Variants in RBFOX1 observed in about 807,000 individuals in gnomAD.
The protein encoded by RBFOX1 is RNA binding protein fox-1 homolog 1.
A neutral mutation model predicts 57.7 loss-of-function variants in RBFOX1; 8 were observed. The ratio of observed to expected loss-of-function variants is 0.14; its 90% CI spans 0.08 to 0.25. The LOEUF (loss-of-function observed/expected upper bound fraction) is 0.25. RBFOX1 is among the 10% of genes least tolerant of loss of function. The pLI is 1.00. For synonymous variants in RBFOX1, 326 were observed against 222.4 expected, an observed-to-expected ratio of 1.47 and a Z score of -4.15; for missense variants, 611 against 548.5, an observed-to-expected ratio of 1.11 and a Z score of -1.14.
intron 3 of RBFOX1, among the ~76,000 whole-genome samples, chr16:6,797,705 G>A (rs893964201): frequency 2.0e-5 from 3 of 152,074 alleles, no homozygotes; most frequent in African/African-American, 7.2e-5. Flanking sequence ...CCAACTATAG[G>A]CATTAAAGTT....
chr16:6,663,149 C>A (rs1157332913), intron 3 of RBFOX1, among the ~76,000 whole-genome samples: 3 of 152,062 alleles, frequency 2.0e-5, no homozygotes, highest in Non-Finnish European at 4.4e-5. Context: ...GAACTAGAGC[C>A]ATGTAGGAGA....
At chr16:6,728,471 C>G (rs1439005672) in intron 3 of RBFOX1, among the ~76,000 whole-genome samples, 3 of 152,096 alleles carry the variant, frequency 2.0e-5, no homozygotes, top group Non-Finnish European at 2.9e-5. Context: ...GAAGTAATCC[C>G]TTTTATTACA....
At chr16:5,693,055 G>C (rs1367983593) in intron 3 of RBFOX1, among the ~76,000 whole-genome samples, 1 of 152,180 alleles carries the variant, frequency 6.6e-6, no homozygotes, top group African/African-American at 2.4e-5. Flanking sequence ...ATGGAAGTTT[G>C]TATCTTCCCG....
chr16:5,919,326 T>C (rs937862146), intron 4 of RBFOX1, among the ~76,000 whole-genome samples: 4 of 152,142 alleles, frequency 2.6e-5, no homozygotes, highest in Non-Finnish European at 5.9e-5. Context: ...GCAGAGCTGT[T>C]GTTTTAATTG....
chr16:7,660,343 A>G (rs2067402570), intron 12 of RBFOX1, among the ~76,000 whole-genome samples: 1 of 152,222 alleles, frequency 6.6e-6, no homozygotes, highest in Non-Finnish European at 1.5e-5. Flanking sequence ...CCATCTCTGC[A>G]TTGAAATATG....
chr16:7,219,608 G>C (rs532234501), intron 4 of RBFOX1, among the ~76,000 whole-genome samples: 1 of 152,154 alleles, frequency 6.6e-6, no homozygotes. Flanking sequence ...AAGAACAAGC[G>C]TGGCGGATTT....
chr16:5,735,791 G>A (rs1415162050), intron 3 of RBFOX1, among the ~76,000 whole-genome samples: 1 of 152,072 alleles, frequency 6.6e-6, no homozygotes, highest in African/African-American at 2.4e-5. Context: ...CAGGAGAATC[G>A]CTTGAACTCG....
intron 4 of RBFOX1, among the ~76,000 whole-genome samples, chr16:7,100,263 C>G (rs558040008): frequency 6.6e-6 from 1 of 152,044 alleles, no homozygotes; most frequent in Admixed American, 6.6e-5. Flanking sequence ...GAATAAAATG[C>G]TCATGAAAAT....
intron 3 of RBFOX1, among the ~76,000 whole-genome samples, chr16:6,943,248 C>G (rs998441465): frequency 2.0e-5 from 3 of 152,182 alleles, no homozygotes; most frequent in African/African-American, 7.2e-5. Context: ...AGCCAGCAGT[C>G]AATGACTGAT....
At chr16:6,897,642 A>G (rs927748690) in intron 3 of RBFOX1, among the ~76,000 whole-genome samples, 2 of 151,884 alleles carry the variant, frequency 1.3e-5, no homozygotes, top group Non-Finnish European at 2.9e-5. Flanking sequence ...AACAAAAAAA[A>G]ATTAGCTGGG....
At chr16:5,426,677 G>A (rs1308057694) in intron 1 of RBFOX1, among the ~76,000 whole-genome samples, 1 of 152,196 alleles carries the variant, frequency 6.6e-6, no homozygotes, top group Non-Finnish European at 1.5e-5. Flanking sequence ...CTCTGGAGAG[G>A]GAACAGCTGC....
intron 4 of RBFOX1, among the ~76,000 whole-genome samples, chr16:7,391,258 A>G (rs549980747): frequency 1.1e-4 from 16 of 152,272 alleles, no homozygotes; most frequent in Non-Finnish European, 2.1e-4. Flanking sequence ...TTTTTAGAAT[A>G]GCATTTGCTG....
intron 2 of RBFOX1, among the ~76,000 whole-genome samples, chr16:6,326,652 C>T (rs940395116): frequency 6.6e-6 from 1 of 152,130 alleles, no homozygotes; most frequent in Admixed American, 6.5e-5. Context: ...GCACTCTGTG[C>T]AGAATCATTG....
chr16:6,693,368 A>C (rs563408131), intron 3 of RBFOX1, among the ~76,000 whole-genome samples: 1 of 150,036 alleles, frequency 6.7e-6, no homozygotes, highest in Admixed American at 6.7e-5. Flanking sequence ...ATCATCATCA[A>C]CATCATCCTA....
intron 1 of RBFOX1, among the ~76,000 whole-genome samples, chr16:5,244,039 G>C (rs1480347062): frequency 6.6e-6 from 1 of 152,046 alleles, no homozygotes; most frequent in Non-Finnish European, 1.5e-5. Context: ...TGGGATTACA[G>C]GTCCCCACCA....
At chr16:5,791,194 C>G (rs1395344278) in intron 3 of RBFOX1, among the ~76,000 whole-genome samples, 3 of 152,068 alleles carry the variant, frequency 2.0e-5, no homozygotes, top group African/African-American at 4.8e-5. Flanking sequence ...TCACGCATGA[C>G]TCAGCTAGAT....
intron 2 of RBFOX1, among the ~76,000 whole-genome samples, chr16:6,609,343 CTTTTTT>C (rs2154022853): frequency 6.6e-6 from 1 of 152,040 alleles, no homozygotes; most frequent in East Asian, 1.9e-4. Flanking sequence ...TCTTTTTTCT[CTTTTTT>C]ATTTTTATTT....
intron 4 of RBFOX1, among the ~76,000 whole-genome samples, chr16:7,315,667 T>TATATATATATATATATATAA (rs1568172968): frequency 2.5e-4 from 36 of 143,666 alleles, no homozygotes; most frequent in African/African-American, 8.7e-4. Flanking sequence ...TATATATATA[T>TATATATATATATATATATAA]GGAACATTAC....
chr16:5,384,880 G>C (rs9652642), intron 1 of RBFOX1, among the ~76,000 whole-genome samples: 76,472 of 151,930 alleles, frequency 0.5, 19,645 homozygotes, highest in Non-Finnish European at 0.55. Context: ...AGGTGGTCGT[G>C]AGGATTAAAT....
Sources: gnomAD v4.1 joint callset for allele counts (sites outside exome capture counted in the v4.1 genomes callset) on GRCh38, gnomAD v4.1.1 for gene constraint, MANE v1.5 for transcripts, NCBI Gene and HGNC (gene_info 2026-07-23, HGNC 2026-07-21) for gene names.